Variants in TTC4 observed in about 807,000 individuals in gnomAD.
TTC4 encodes the protein hsp70/Hsp90 co-chaperone CNS1 homolog.
A neutral mutation model predicts 51.9 loss-of-function variants in TTC4; 36 were observed. The ratio of observed to expected loss-of-function variants is 0.69; its 90% confidence interval spans 0.53 to 0.92. The LOEUF is 0.92. TTC4 is among the 40% of genes least tolerant of loss of function. The pLI, the probability that TTC4 is intolerant of heterozygous loss-of-function variation, is 0.00. For missense variants in TTC4, 399 were observed against 454.6 expected (o/e 0.88, Z 1.11); for synonymous variants, 144 against 164.2 (o/e 0.88, Z 0.94).
At chr1:54,721,034 TCAAAAAAACAG>T in intron 3 of TTC4, 118 bp from the exon 4 acceptor site, 3 of 818,960 alleles carry the variant, frequency 3.7e-6, no homozygotes, top group South Asian at 1.8e-5. Flanking sequence ...CCATATTTTT[TCAAAAAAACAG>T]TTGCTCTCAT....
intron 3 of TTC4, 83 bp downstream of exon 3, chr1:54,717,736 A>AT: frequency 7.8e-7 from 1 of 1,280,650 alleles, no homozygotes; most frequent in South Asian, 2.4e-5. Context: ...ACATCAGAGG[A>AT]TGAGGGGCTG....
intron 7 of TTC4, 135 bp from the exon 8 acceptor site, chr1:54,733,494 A>C: frequency 2.1e-6 from 1 of 477,370 alleles, no homozygotes; most frequent in Non-Finnish European, 3.7e-6. Context: ...CATTTGGGGT[A>C]CTGCTGTCAA....
intron 1 of TTC4, 148 bp downstream of exon 1, chr1:54,716,167 G>A: frequency 1.5e-6 from 1 of 678,534 alleles, no homozygotes; most frequent in Non-Finnish European, 2.6e-6. Flanking sequence ...AATCGGCCTC[G>A]AGGTTTTGAG....
intron 5 of TTC4, among the ~76,000 whole-genome samples, chr1:54,724,689 A>G (rs1024255160): frequency 3.3e-5 from 5 of 152,338 alleles, no homozygotes; most frequent in African/African-American, 1.2e-4. Flanking sequence ...TGACAACTCA[A>G]AGAAGGAAGA....
intron 3 of TTC4, among the ~76,000 whole-genome samples, chr1:54,720,802 A>G (rs1645734196): frequency 6.6e-6 from 1 of 152,190 alleles, no homozygotes; most frequent in South Asian, 2.1e-4. Flanking sequence ...GTCAAAGTAT[A>G]TGTACAAAAT....
intron 8 of TTC4, among the ~76,000 whole-genome samples, chr1:54,736,100 T>C (rs992061046): frequency 1.4e-5 from 2 of 147,956 alleles, no homozygotes; most frequent in African/African-American, 2.5e-5. Context: ...ACAATGGGGG[T>C]AGAGAGGCAA....
intron 8 of TTC4, 37 bp downstream of exon 8, chr1:54,733,747 A>G: frequency 1.3e-6 from 1 of 797,752 alleles, no homozygotes; most frequent in South Asian, 2.1e-5. Flanking sequence ...TATGGAATTA[A>G]TTTTTTTTTT....
chr1:54,726,440 A>G (rs181803066), intron 5 of TTC4, among the ~76,000 whole-genome samples: 39 of 152,348 alleles, frequency 2.6e-4, no homozygotes, highest in African/African-American at 8.9e-4. Flanking sequence ...GTATATAGAA[A>G]ATCCTAAGGG....
chr1:54,732,097 C>T (rs1645872678), intron 7 of TTC4, among the ~76,000 whole-genome samples: 1 of 151,852 alleles, frequency 6.6e-6, no homozygotes, highest in East Asian at 1.9e-4. Context: ...TTTGGGAGGC[C>T]GAGTCAGGCA....
At chr1:54,729,332 A>G (rs1645837815) in intron 6 of TTC4, among the ~76,000 whole-genome samples, 1 of 152,248 alleles carries the variant, frequency 6.6e-6, no homozygotes, top group Admixed American at 6.5e-5. Context: ...AACCGTGGAT[A>G]AGGGGACACT....
intron 6 of TTC4, among the ~76,000 whole-genome samples, 169 bp from the exon 7 acceptor site, chr1:54,731,317 G>T (rs918029469): frequency 6.6e-6 from 1 of 151,968 alleles, no homozygotes; most frequent in Non-Finnish European, 1.5e-5. Context: ...AAAGTTAGTC[G>T]TGCAGCCTGG....
chr1:54,718,213 T>A (rs1325106305), intron 3 of TTC4, among the ~76,000 whole-genome samples: 1 of 151,908 alleles, frequency 6.6e-6, no homozygotes, highest in East Asian at 1.9e-4. Flanking sequence ...AGACCCTGTC[T>A]CTCCAAAAAT....
intron 4 of TTC4, 75 bp downstream of exon 4, chr1:54,721,315 T>C: frequency 6.8e-7 from 1 of 1,464,720 alleles, no homozygotes; most frequent in Non-Finnish European, 9.4e-7. Context: ...AAAGTCATCT[T>C]ATTTTTGCAG....
At position 54,731,501 on chromosome 1, in the gene TTC4, C is replaced by T; in HGVS notation, c.697C>T (p.Leu233Phe). Residue 233 changes from leucine to phenylalanine, a missense_variant, in exon 7 of 10, where the codon CTC becomes TTC. Physicochemically the swap from Leu to Phe is conservative, Grantham distance 22. Around this residue, in one of 3 missense-constraint regions of TTC4, gnomAD observed 316 missense variants for 349.6 expected, o/e 0.90. Transcript: ENST00000371281. Reference sequence around the variant, plus strand: ...TTTAACCCAGGCTAGGAATATCAGGCTCTCAGAAGCTGCCTGTGAGGATGA... The same window carrying T: ...TTTAACCCAGGCTAGGAATATCAGGTTCTCAGAAGCTGCCTGTGAGGATGA... ...LQAIKARNIRLSEAACEDEDS... is the reference protein window; with the variant it reads ...LQAIKARNIRFSEAACEDEDS... 6.2e-7 allele frequency: 1 copy of T among 1,613,912 alleles called. No homozygotes were observed. Among genetic ancestry groups the T allele is most frequent in the South Asian group, 1.1e-5 (1 of 91,078 alleles).
chr1:54,730,219 T>G (rs1645848285), intron 6 of TTC4, among the ~76,000 whole-genome samples: 1 of 152,140 alleles, frequency 6.6e-6, no homozygotes, highest in Non-Finnish European at 1.5e-5. Context: ...AGTGAGGGAT[T>G]TGTTCGTTTT....
At chr1:54,739,780 C>CT (rs1645989856) in intron 9 of TTC4, among the ~76,000 whole-genome samples, 1 of 152,190 alleles carries the variant, frequency 6.6e-6, no homozygotes, top group Non-Finnish European at 1.5e-5. Context: ...GGCTAGAAAG[C>CT]TAAGTTAGGG....
intron 3 of TTC4, among the ~76,000 whole-genome samples, chr1:54,719,550 T>A (rs1333158930): frequency 6.6e-6 from 1 of 152,244 alleles, no homozygotes; most frequent in African/African-American, 2.4e-5. Context: ...TGCATTTTTT[T>A]CCATGGTTGA....
intron 3 of TTC4, among the ~76,000 whole-genome samples, chr1:54,719,346 C>T (rs1346622349): frequency 6.7e-6 from 1 of 148,940 alleles, no homozygotes; most frequent in Admixed American, 6.6e-5. Context: ...TTTGTGCTTT[C>T]CCTCTACTGG....
chr1:54,730,557 T>C (rs946769335), intron 6 of TTC4, among the ~76,000 whole-genome samples: 9 of 152,194 alleles, frequency 5.9e-5, no homozygotes, highest in Admixed American at 5.9e-4. Flanking sequence ...TATCTAATGC[T>C]TTAAGAAAAA....
Sources: gnomAD v4.1 joint callset for allele counts (sites outside exome capture counted in the v4.1 genomes callset) on GRCh38, gnomAD v4.1.1 for gene constraint, gnomAD v4.1.1 regional missense constraint, MANE v1.5 for transcripts, NCBI Gene and HGNC (gene_info 2026-07-23, HGNC 2026-07-21) for gene names.